The following COMT variants were observed in gnomAD, a reference collection of about 807,000 sequenced individuals.
COMT encodes catechol-O-methyltransferase.
Under a neutral mutation model 18.9 loss-of-function variants are expected in COMT, and 13 were observed. That is an observed-to-expected ratio of 0.69 (90% CI 0.45 to 1.09). The LOEUF is 1.09. Among genes scored for constraint, COMT ranks in the 50% least tolerant of loss-of-function variants. The pLI, the probability that COMT is intolerant of heterozygous loss-of-function variation, is 0.00. For synonymous variants in COMT, 150 were observed against 160.9 expected (o/e 0.93, Z 0.51); for missense variants, 329 against 361.8 (o/e 0.91, Z 0.73).
intron 1 of COMT, among the ~76,000 whole-genome samples, chr22:19,946,262 A>G (rs1207851616): frequency 1.3e-5 from 2 of 152,130 alleles, no homozygotes; most frequent in East Asian, 1.9e-4. Flanking sequence ...CAACGTGGCT[A>G]TATCACTTGA....
At chr22:19,968,510 T>C in intron 5 of COMT, 26 bp from the exon 6 acceptor site, 1 of 1,607,830 alleles carries the variant, frequency 6.2e-7, no homozygotes, top group South Asian at 1.1e-5. Flanking sequence ...GACCCTCACC[T>C]CCCCCACCCC....
intron 1 of COMT, among the ~76,000 whole-genome samples, chr22:19,957,505 C>G (rs1942090599): frequency 6.6e-6 from 1 of 152,240 alleles, no homozygotes; most frequent in Non-Finnish European, 1.5e-5. Flanking sequence ...AGGTGATGGA[C>G]TCTCTAGCTC....
intron 1 of COMT, among the ~76,000 whole-genome samples, chr22:19,958,168 T>A (rs1942106302): frequency 2.3e-5 from 1 of 43,058 alleles, no homozygotes; most frequent in African/African-American, 1.4e-4. Context: ...CATGTTTAAT[T>A]TTTTTTTTTT....
At chr22:19,956,725 G>C (rs1386521898) in intron 1 of COMT, among the ~76,000 whole-genome samples, 1 of 151,822 alleles carries the variant, frequency 6.6e-6, no homozygotes. Context: ...CTAGAAACCA[G>C]GTCATATAAT....
chr22:19,956,138 T>C (rs9680656), intron 1 of COMT, among the ~76,000 whole-genome samples: 2,861 of 36,694 alleles, frequency 0.078, 198 homozygotes, highest in South Asian at 0.12. Flanking sequence ...TCTTTTTTTC[T>C]TTTTTTTTTT....
At chr22:19,945,268 C>G (rs191009469) in intron 1 of COMT, among the ~76,000 whole-genome samples, 19 of 152,324 alleles carry the variant, frequency 1.2e-4, no homozygotes, top group African/African-American at 4.3e-4. Context: ...TTGGAAGTGA[C>G]TTTCCTTACT....
intron 1 of COMT, among the ~76,000 whole-genome samples, chr22:19,960,773 A>AT (rs1217749763): frequency 6.6e-6 from 1 of 152,194 alleles, no homozygotes; most frequent in Non-Finnish European, 1.5e-5. Context: ...TATCTGTCTC[A>AT]TCATCTTTTT....
At chr22:19,965,846 C>T (rs1942363247) in intron 5 of COMT, among the ~76,000 whole-genome samples, 1 of 152,086 alleles carries the variant, frequency 6.6e-6, no homozygotes, top group Non-Finnish European at 1.5e-5. Flanking sequence ...GACCTACAGG[C>T]CAAGACAGGG....
chr22:19,952,953 AAAATAAATAAATAAATAAATAAATAAAT>A (rs368190455), intron 1 of COMT, among the ~76,000 whole-genome samples: 46 of 139,722 alleles, frequency 3.3e-4, no homozygotes, highest in Admixed American at 1.1e-3. Flanking sequence ...CCCGTCTCAA[AAAATAAATAAATAAATAAATAAATAAAT>A]AAATAAATAA....
chr22:19,958,650 G>T (rs1269210266), intron 1 of COMT, among the ~76,000 whole-genome samples: 1 of 150,200 alleles, frequency 6.7e-6, no homozygotes, highest in African/African-American at 2.5e-5. Context: ...GAAGGCCAAG[G>T]GGGTGGAGCA....
chr22:19,966,998 T>C (rs1942435603), intron 5 of COMT: 7 of 985,460 alleles, frequency 7.1e-6, no homozygotes, highest in Non-Finnish European at 8.4e-6. Context: ...CCAGGTGGTC[T>C]GAGTAGCTGG....
chr22:19,963,315 T>C (rs1942246451), intron 3 of COMT: 3 of 597,152 alleles, frequency 5.0e-6, no homozygotes, highest in Non-Finnish European at 8.9e-6. Flanking sequence ...GGGACCAGCG[T>C]GAGCATAGAG....
At chr22:19,963,340 G>A (rs761203931) in intron 3 of COMT, 79 of 609,270 alleles carry the variant, frequency 1.3e-4, no homozygotes, top group Non-Finnish European at 2.0e-4. Context: ...AGGGACCATG[G>A]GAGCTCCAAG....
intron 2 of COMT, chr22:19,962,185 G>A (rs1462852748): frequency 2.7e-6 from 1 of 374,462 alleles, no homozygotes; most frequent in Non-Finnish European, 5.1e-6. Context: ...CCAGCTGGGA[G>A]ACAACAGCCT....
In COMT at chr22:19,963,741, C is replaced by T. The variant is rs143214934; in HGVS notation, c.465C>T (p.Phe155=). 143 of 1,612,240 alleles carry T rather than the reference C, an allele frequency of 8.9e-5. No homozygotes were observed. Among genetic ancestry groups the T allele is most frequent in the Non-Finnish European group, 1.1e-4 (131 of 1,179,948 alleles). ...CCATCACCCAGCGGATGGTGGATTT[C>T]GCTGGCGTGAAGGACAAGGTGTGCA... ...CAAITQRMVD[F]AGVKDKVTLV... The change falls in exon 4 of 6, where the codon TTC becomes TTT. Residue 155 remains phenylalanine, a synonymous_variant. Transcript: ENST00000361682.
chr22:19,946,691 A>G (rs188978567), intron 1 of COMT, among the ~76,000 whole-genome samples: 1 of 152,310 alleles, frequency 6.6e-6, no homozygotes, highest in African/African-American at 2.4e-5. Flanking sequence ...TCATTACAAA[A>G]TCAAACGATT....
intron 1 of COMT, among the ~76,000 whole-genome samples, chr22:19,948,981 T>C (rs1384743035): frequency 7.0e-6 from 1 of 142,110 alleles, no homozygotes; most frequent in Non-Finnish European, 1.6e-5. Context: ...AAAAAAAAAT[T>C]TAAAGAAACT....
chr22:19,966,443 AAAAAAAAAAAAAG>A, intron 5 of COMT, among the ~76,000 whole-genome samples: 1 of 151,514 alleles, frequency 6.6e-6, no homozygotes, highest in African/African-American at 2.4e-5. Context: ...CCTTAAAAAA[AAAAAAAAAAAAAG>A]AAAAAGACAG....
intron 1 of COMT, among the ~76,000 whole-genome samples, chr22:19,948,542 C>T (rs1410864675): frequency 6.6e-6 from 1 of 152,148 alleles, no homozygotes; most frequent in East Asian, 1.9e-4. Context: ...TGTCTGTAGT[C>T]CCATGTACTC....
Sources: allele counts gnomAD v4.1 joint callset (sites outside exome capture counted in the v4.1 genomes callset), GRCh38; gene constraint gnomAD v4.1.1; transcripts MANE v1.5; gene names NCBI Gene and HGNC (gene_info 2026-07-23, HGNC 2026-07-21).